Variants in USP7 observed in about 807,000 individuals in gnomAD.
USP7 encodes the protein ubiquitin specific peptidase 7.
Under a neutral mutation model 162.9 loss-of-function variants are expected in USP7, and 9 were observed. The ratio of observed to expected loss-of-function variants is 0.06; its 90% confidence interval spans 0.03 to 0.10. The LOEUF is 0.10. USP7 is among the 10% of genes least tolerant of loss of function. The pLI is 1.00. For missense variants in USP7, 715 were observed against 1,373.7 expected (o/e 0.52, Z 7.58); for synonymous variants, 562 against 475.9 (o/e 1.18, Z -2.35).
chr16:8,955,258 T>C (rs995611609), intron 1 of USP7, among the ~76,000 whole-genome samples: 10 of 152,242 alleles, frequency 6.6e-5, no homozygotes, highest in African/African-American at 1.9e-4. Flanking sequence ...TTCTACATGA[T>C]GGACAGTATT....
chr16:8,940,528 G>A (rs565085145), intron 1 of USP7, among the ~76,000 whole-genome samples: 88 of 152,326 alleles, frequency 5.8e-4, no homozygotes, highest in African/African-American at 1.8e-3. Flanking sequence ...AACCCAGGGC[G>A]GGAGGTGGGG....
At chr16:8,900,026 G>A in intron 21 of USP7, 1 of 532,494 alleles carries the variant, frequency 1.9e-6, no homozygotes, top group Non-Finnish European at 3.3e-6. Context: ...AACAGCACCT[G>A]CTCTCCTCTA....
chr16:8,908,547 GAGACTCTGGAGACAA>G, intron 11 of USP7, 97 bp from the exon 12 acceptor site: 1 of 962,060 alleles, frequency 1.0e-6, no homozygotes, highest in East Asian at 2.5e-5. Flanking sequence ...AACATGTCTG[GAGACTCTGGAGACAA>G]AGGCAGGGAA....
rs758874521 is a variant in USP7, at chr16:8,904,582, T to C, written c.1574-17A>G. On this transcript the variant is annotated splice_polypyrimidine_tract_variant and intron_variant, in intron 14 of 30. Transcript: ENST00000344836. ...AAACTTCACCTGCAGGACAAAGGCA[T>C]CCTCTTTGACCCCTGCAGATGGACT... The C allele has an allele frequency of 1.2e-6, 2 of 1,613,214 alleles. No homozygotes were observed. Among genetic ancestry groups the C allele is most frequent in the Non-Finnish European group, 1.7e-6 (2 of 1,179,816 alleles).
At chr16:8,915,552 A>G (rs1234275018) in intron 8 of USP7, 27 bp from the exon 9 acceptor site, 4 of 1,608,642 alleles carry the variant, frequency 2.5e-6, no homozygotes, top group Non-Finnish European at 3.4e-6. Context: ...TGGCTTTAAA[A>G]AAACTTTTTT....
In USP7 at chr16:8,899,109, C is replaced by A. The variant is rs371247084; in HGVS notation, c.2531+12G>T. On this transcript the variant is annotated intron_variant, in intron 23 of 30. Transcript: ENST00000344836. ...AGTCAAGACCAAGCAAGTGTCCACA[C>A]ATGTGACCTACCCTTGAGACTTGAA... The A allele has an allele frequency of 1.9e-6, 3 of 1,614,014 alleles. No individual in the cohort carries two copies. Among genetic ancestry groups the A allele is most frequent in the African/African-American group, 1.3e-5 (1 of 74,932 alleles).
intron 1 of USP7, among the ~76,000 whole-genome samples, chr16:8,950,863 C>A (rs1001071992): frequency 9.9e-5 from 15 of 152,220 alleles, no homozygotes; most frequent in Non-Finnish European, 1.5e-5. Flanking sequence ...CACACAGTCA[C>A]TCCTGACCAA....
chr16:8,895,763 A>T lies in USP7; in HGVS notation c.2820-22T>A, dbSNP rs184753126. 419 of 1,514,746 alleles carry T rather than the reference A, an allele frequency of 2.8e-4. 2 individuals carry two copies. The African/African-American group carries it at 5.2e-3, about 19-fold the overall frequency. The allele number at this position is 1,514,746 out of a possible 1,614,324, so 93.8% of individuals were successfully genotyped here. A position where few individuals can be genotyped will look rare whatever the true frequency, so the allele number is the denominator to read the frequency against. On this transcript the variant is annotated intron_variant, in intron 26 of 30. Coordinates refer to ENST00000344836, the MANE Select transcript of USP7 (RefSeq NM_003470.3). ...CAGCCTGAACAGAGAGGAAAAAAAA[A>T]TAGGGCAAAATGAAGTATATATATT...
At chr16:8,897,912 C>G (rs1056172228) in intron 25 of USP7, among the ~76,000 whole-genome samples, 1 of 150,524 alleles carries the variant, frequency 6.6e-6, no homozygotes, top group South Asian at 2.1e-4. Flanking sequence ...AAAGAACCAC[C>G]TAAAATGTGG....
intron 1 of USP7, among the ~76,000 whole-genome samples, chr16:8,951,967 G>T (rs1899574164): frequency 6.6e-6 from 1 of 152,218 alleles, no homozygotes; most frequent in Non-Finnish European, 1.5e-5. Context: ...AGCATGTGGG[G>T]AACCACACCA....
At chr16:8,914,406 G>C (rs1036153927) in intron 10 of USP7, among the ~76,000 whole-genome samples, 10 of 151,338 alleles carry the variant, frequency 6.6e-5, no homozygotes, top group African/African-American at 2.0e-4. Context: ...CTACAGGCCA[G>C]TAATCCTCTT....
chr16:8,923,862 A>G (rs948017978), intron 2 of USP7, among the ~76,000 whole-genome samples: 3 of 152,192 alleles, frequency 2.0e-5, no homozygotes, highest in African/African-American at 7.2e-5. Flanking sequence ...AGGACTTGAG[A>G]GCCAGGGAAA....
intron 16 of USP7, among the ~76,000 whole-genome samples, chr16:8,903,044 A>G (rs566146451): frequency 1.3e-5 from 2 of 152,180 alleles, no homozygotes; most frequent in African/African-American, 4.8e-5. Flanking sequence ...AGGGGTGAAA[A>G]CATGTCTGCA....
At chr16:8,920,050 G>C (rs1228684392) in intron 5 of USP7, among the ~76,000 whole-genome samples, 1 of 152,152 alleles carries the variant, frequency 6.6e-6, no homozygotes, top group African/African-American at 2.4e-5. Flanking sequence ...GAGCATCTCT[G>C]CTCTGGGTAT....
chr16:8,934,803 C>T (rs748213775), intron 1 of USP7, among the ~76,000 whole-genome samples: 8 of 152,198 alleles, frequency 5.3e-5, no homozygotes, highest in Non-Finnish European at 1.2e-4. Flanking sequence ...GGGTGGGTCC[C>T]GGCCACCAAC....
chr16:8,935,821 T>C (rs1264793956), intron 1 of USP7: 1 of 152,176 alleles, frequency 6.6e-6, no homozygotes, highest in African/African-American at 2.4e-5. Flanking sequence ...GGGCACTTAA[T>C]GCCTATACCC....
intron 1 of USP7, among the ~76,000 whole-genome samples, chr16:8,934,771 G>A (rs1407279959): frequency 6.6e-6 from 1 of 152,242 alleles, no homozygotes; most frequent in Non-Finnish European, 1.5e-5. Flanking sequence ...AAGGGCCACT[G>A]GTTGGCCACC....
chr16:8,911,343 A>AT (rs946800417), intron 10 of USP7, among the ~76,000 whole-genome samples: 2 of 152,206 alleles, frequency 1.3e-5, no homozygotes, highest in South Asian at 4.1e-4. Context: ...AAACGTAACA[A>AT]TTTTTTAGGA....
intron 16 of USP7, 84 bp from the exon 17 acceptor site, chr16:8,902,566 TATAC>T: frequency 3.9e-6 from 4 of 1,024,020 alleles, no homozygotes; most frequent in Non-Finnish European, 5.7e-6. Flanking sequence ...TGTATATACA[TATAC>T]ATATATATAT....
Sources: allele counts gnomAD v4.1 joint callset (sites outside exome capture counted in the v4.1 genomes callset), GRCh38; gene constraint gnomAD v4.1.1; transcripts MANE v1.5; gene names NCBI Gene and HGNC (gene_info 2026-07-23, HGNC 2026-07-21).